The following CACNG3 variants were observed in gnomAD, a reference collection of about 807,000 sequenced individuals.
CACNG3 encodes the protein voltage-dependent calcium channel gamma-3 subunit.
CACNG3 carries 3 observed loss-of-function variants against 28.5 expected under a neutral mutation model. The ratio of observed to expected loss-of-function variants is 0.11; its 90% confidence interval spans 0.05 to 0.27. The LOEUF is 0.27. Ranked by LOEUF, CACNG3 falls within the 10% of genes least tolerant of loss-of-function variation. The pLI, the probability that CACNG3 is intolerant of heterozygous loss-of-function variation, is 1.00. For synonymous variants in CACNG3, 174 were observed against 162.2 expected, an observed-to-expected ratio of 1.07 and a Z score of -0.55; for missense variants, 236 against 414.4, an observed-to-expected ratio of 0.57 and a Z score of 3.74.
intron 1 of CACNG3, among the ~76,000 whole-genome samples, chr16:24,330,341 G>A (rs1424611607): frequency 6.6e-6 from 1 of 152,202 alleles, no homozygotes; most frequent in Admixed American, 6.5e-5. Context: ...AATCTTCTAA[G>A]AGGAAATAAC....
chr16:24,353,099 T>C lies in CACNG3; in HGVS notation c.296-1734T>C, dbSNP rs139526843. ...CAAGCAATTCTCCTCCCTCAGCCTC[T>C]CAAGTAGCTGAGATTACAGGTGCCC... On this transcript the variant is annotated intron_variant, in intron 2 of 3. Transcript: ENST00000005284. 2.2e-3 allele frequency among the ~76,000 whole-genome samples: 334 copies of C among 152,276 alleles called. 3 individuals are homozygous for C. Among genetic ancestry groups the C allele is most frequent in the Middle Eastern group, 0.017 (5 of 294 alleles).
At chr16:24,276,168 TG>T (rs1374510486) in intron 1 of CACNG3, among the ~76,000 whole-genome samples, 1 of 152,228 alleles carries the variant, frequency 6.6e-6, no homozygotes, top group African/African-American at 2.4e-5. Flanking sequence ...TCTCTTCTCT[TG>T]AGCCAGACAT....
intron 3 of CACNG3, among the ~76,000 whole-genome samples, chr16:24,355,877 C>T (rs535900933): frequency 6.6e-6 from 1 of 152,266 alleles, no homozygotes; most frequent in African/African-American, 2.4e-5. Context: ...AGACCAGCAG[C>T]CCGAGATGCT....
chr16:24,276,600 T>C (rs572706964), intron 1 of CACNG3, among the ~76,000 whole-genome samples: 7 of 152,366 alleles, frequency 4.6e-5, no homozygotes, highest in African/African-American at 1.4e-4. Flanking sequence ...TGGGTTCTGG[T>C]ATCTTTTTGA....
chr16:24,289,940 C>T lies in CACNG3; in HGVS notation c.211+32975C>T, dbSNP rs149875670. Among the ~76,000 whole-genome samples, 1,023 of 152,346 alleles carry T rather than the reference C, an allele frequency of 6.7e-3. 5 individuals are homozygous for T. Among genetic ancestry groups the T allele is most frequent in the Non-Finnish European group, 9.6e-3 (653 of 68,034 alleles). On this transcript the variant is annotated intron_variant, in intron 1 of 3. Transcript: ENST00000005284. ...TTACTTATTAGCAGAGAAAGCTCAA[C>T]TTGGAAGAAAGATTTGGGGCAGTGG...
At chr16:24,302,514 G>T (rs1899126700) in intron 1 of CACNG3, among the ~76,000 whole-genome samples, 1 of 151,976 alleles carries the variant, frequency 6.6e-6, no homozygotes, top group South Asian at 2.1e-4. Flanking sequence ...GAGTGCAGTG[G>T]CATCATCATA....
At chr16:24,309,895 G>C (rs1899237474) in intron 1 of CACNG3, among the ~76,000 whole-genome samples, 1 of 152,156 alleles carries the variant, frequency 6.6e-6, no homozygotes, top group Non-Finnish European at 1.5e-5. Flanking sequence ...GACAAGAGCT[G>C]GATCACAGAA....
chr16:24,331,349 T>C (rs1055656901), intron 1 of CACNG3, among the ~76,000 whole-genome samples: 2 of 152,110 alleles, frequency 1.3e-5, no homozygotes, highest in African/African-American at 4.8e-5. Context: ...TGTGCAGAAA[T>C]GGACAGGTAG....
At chr16:24,350,842 GC>G (rs1329687088) in intron 2 of CACNG3, among the ~76,000 whole-genome samples, 2 of 152,172 alleles carry the variant, frequency 1.3e-5, no homozygotes, top group Non-Finnish European at 2.9e-5. Flanking sequence ...GAGGAGACTT[GC>G]CCCTAATATT....
rs535367761 is a variant in CACNG3, at chr16:24,284,291, T to A, written c.211+27326T>A. Among the ~76,000 whole-genome samples, 10 of 152,310 alleles carry A rather than the reference T, an allele frequency of 6.6e-5. No individual in the cohort carries two copies. In the South Asian group the frequency reaches 2.1e-3, roughly 32 times the overall value. Reference sequence around the variant, plus strand: ...TGAAATGATTTTCTATGCTCTGAAATAGACTAAATAGCATGGAAATTTTCA... The same window carrying A: ...TGAAATGATTTTCTATGCTCTGAAAAAGACTAAATAGCATGGAAATTTTCA... On this transcript the variant is annotated intron_variant, in intron 1 of 3. Coordinates refer to ENST00000005284, the MANE Select transcript of CACNG3 (RefSeq NM_006539.4).
chr16:24,276,688 G>A (rs529060288), intron 1 of CACNG3, among the ~76,000 whole-genome samples: 12 of 152,278 alleles, frequency 7.9e-5, no homozygotes, highest in Non-Finnish European at 1.6e-4. Flanking sequence ...GATTTCAGCA[G>A]GCACTGAAAA....
At chr16:24,360,762 A>G (rs79187154) in intron 3 of CACNG3, among the ~76,000 whole-genome samples, 2 of 152,242 alleles carry the variant, frequency 1.3e-5, no homozygotes, top group African/African-American at 4.8e-5. Flanking sequence ...AGTCATTCTC[A>G]ATGCCTTCTC....
At chr16:24,286,109 T>C (rs895518951) in intron 1 of CACNG3, among the ~76,000 whole-genome samples, 5 of 152,178 alleles carry the variant, frequency 3.3e-5, no homozygotes, top group African/African-American at 1.2e-4. Context: ...TTTCAATAGC[T>C]ACATAATGTT....
chr16:24,300,267 C>T (rs1328104817), intron 1 of CACNG3, among the ~76,000 whole-genome samples: 1 of 152,082 alleles, frequency 6.6e-6, no homozygotes, highest in Non-Finnish European at 1.5e-5. Flanking sequence ...GCCCATAGAC[C>T]TCATGGGGGA....
At chr16:24,261,875 G>A (rs942564213) in intron 1 of CACNG3, among the ~76,000 whole-genome samples, 2 of 152,098 alleles carry the variant, frequency 1.3e-5, no homozygotes, top group South Asian at 2.1e-4. Context: ...AGCCAGACGG[G>A]GTTTCAGCTT....
At chr16:24,286,291 G>A (rs141857310) in intron 1 of CACNG3, among the ~76,000 whole-genome samples, 4 of 151,962 alleles carry the variant, frequency 2.6e-5, no homozygotes, top group African/African-American at 9.7e-5. Context: ...AAGCAATATT[G>A]CTGGATCAAT....
At chr16:24,277,598 A>C (rs1289290490) in intron 1 of CACNG3, among the ~76,000 whole-genome samples, 1 of 152,098 alleles carries the variant, frequency 6.6e-6, no homozygotes, top group Admixed American at 6.6e-5. Flanking sequence ...GAAATGGTGA[A>C]ACCCCGTCTC....
chr16:24,332,994 T>C (rs1299573592), intron 1 of CACNG3, among the ~76,000 whole-genome samples: 1 of 152,164 alleles, frequency 6.6e-6, no homozygotes, highest in Non-Finnish European at 1.5e-5. Context: ...TTGACAAGAA[T>C]GATGATGTGA....
intron 1 of CACNG3, 57 bp from the exon 2 acceptor site, chr16:24,346,677 T>TG (rs5816249): frequency 0.9 from 1,136,199 of 1,257,470 alleles, 514,998 homozygotes; most frequent in East Asian, 1. Context: ...GGACCCAGGC[T>TG]GGCCCCCAGA....
Sources: allele counts gnomAD v4.1 joint callset (sites outside exome capture counted in the v4.1 genomes callset), GRCh38; gene constraint gnomAD v4.1.1; transcripts MANE v1.5; gene names NCBI Gene and HGNC (gene_info 2026-07-23, HGNC 2026-07-21).